Variants in TCF4 observed in about 807,000 individuals in gnomAD.
The protein encoded by TCF4 is SL3-3 enhancer factor 2.
A neutral mutation model predicts 82.1 loss-of-function variants in TCF4; 3 were observed. That is an observed-to-expected ratio of 0.04 (90% CI 0.02 to 0.09). The LOEUF (loss-of-function observed/expected upper bound fraction) is 0.09, where lower values mean the gene tolerates loss of function less well. Among genes scored for constraint, TCF4 ranks in the 10% least tolerant of loss-of-function variants. TCF4 has a pLI of 1.00. For missense variants in TCF4, 518 were observed against 852.7 expected (o/e 0.61, Z 4.89); for synonymous variants, 276 against 309.6 (o/e 0.89, Z 1.14).
intron 3 of TCF4, among the ~76,000 whole-genome samples, chr18:55,501,004 G>T (rs1323222324): frequency 1.3e-5 from 2 of 152,200 alleles, no homozygotes; most frequent in African/African-American, 4.8e-5. Context: ...TAATGATGAT[G>T]ATTATTACTG....
At chr18:55,299,219 T>G (rs1601834009) in intron 8 of TCF4, among the ~76,000 whole-genome samples, 1 of 152,338 alleles carries the variant, frequency 6.6e-6, no homozygotes, top group South Asian at 2.1e-4. Context: ...GAAACCAGCC[T>G]GGCCAACATG....
intron 8 of TCF4, among the ~76,000 whole-genome samples, chr18:55,347,669 G>A (rs2081475908): frequency 6.6e-6 from 1 of 152,168 alleles, no homozygotes; most frequent in African/African-American, 2.4e-5. Flanking sequence ...AATGGCGGCA[G>A]AAGTCCAGTC....
intron 3 of TCF4, among the ~76,000 whole-genome samples, chr18:55,576,393 C>T (rs1393971396): frequency 1.3e-5 from 2 of 152,120 alleles, no homozygotes; most frequent in African/African-American, 4.8e-5. Context: ...GGATTATAAT[C>T]GGTAACACCC....
chr18:55,602,601 A>C (rs2097698264), intron 2 of TCF4, among the ~76,000 whole-genome samples: 1 of 152,246 alleles, frequency 6.6e-6, no homozygotes, highest in African/African-American at 2.4e-5. Flanking sequence ...CTTTTCGATT[A>C]TCAGCAGCAT....
rs180753158 is a variant in TCF4, at chr18:55,332,293, C to T, written c.549+18066G>A. 219 of 150,578 alleles carry T rather than the reference C, an allele frequency of 1.5e-3. 5 individuals are homozygous for T. Among genetic ancestry groups the T allele is most frequent in the Admixed American group, 0.014 (218 of 15,130 alleles). 9.3% of individuals were successfully genotyped at this position (150,578 alleles called of 1,614,324 possible). A position where few individuals can be genotyped will look rare whatever the true frequency, so the allele number is the denominator to read the frequency against. On this transcript the variant is annotated intron_variant, in intron 8 of 19. Coordinates refer to ENST00000354452, the MANE Select transcript of TCF4 (RefSeq NM_001083962.2). Reference sequence around the variant, plus strand: ...ATTTGTTGTCCTTTCCAACACATTCCGTTTATCTAGATTTGAGGCAGTACA... The same window carrying T: ...ATTTGTTGTCCTTTCCAACACATTCTGTTTATCTAGATTTGAGGCAGTACA...
chr18:55,358,706 G>A (rs2145095434), intron 6 of TCF4, among the ~76,000 whole-genome samples: 1 of 152,278 alleles, frequency 6.6e-6, no homozygotes. Context: ...ACCATTAGAA[G>A]GCTCATTTTT....
chr18:55,541,013 ATC>A (rs1387208670), intron 3 of TCF4, among the ~76,000 whole-genome samples: 3 of 152,034 alleles, frequency 2.0e-5, no homozygotes, highest in African/African-American at 7.2e-5. Flanking sequence ...TAAAAAAATT[ATC>A]TCTTTCATAT....
intron 3 of TCF4, among the ~76,000 whole-genome samples, chr18:55,568,055 C>T (rs1185986419): frequency 6.6e-6 from 1 of 150,690 alleles, no homozygotes; most frequent in Non-Finnish European, 1.5e-5. Context: ...TAAATTAAAA[C>T]CTATGTAATA....
intron 5 of TCF4, among the ~76,000 whole-genome samples, chr18:55,450,830 C>A (rs977048306): frequency 2.6e-5 from 4 of 152,336 alleles, no homozygotes; most frequent in Admixed American, 6.5e-5. Context: ...AGATGACCTA[C>A]AACACAGGCA....
intron 8 of TCF4, among the ~76,000 whole-genome samples, chr18:55,326,573 G>C (rs562766834): frequency 1.3e-5 from 2 of 152,178 alleles, no homozygotes; most frequent in East Asian, 3.9e-4. Flanking sequence ...CGACTGGCCT[G>C]AGAATTATGT....
At chr18:55,337,252 T>C (rs1431632327) in intron 8 of TCF4, among the ~76,000 whole-genome samples, 1 of 152,214 alleles carries the variant, frequency 6.6e-6, no homozygotes, top group Non-Finnish European at 1.5e-5. Flanking sequence ...CTTCCTTCCC[T>C]GCTTTTGGGT....
At chr18:55,319,296 C>T (rs1172046404) in intron 8 of TCF4, among the ~76,000 whole-genome samples, 1 of 152,152 alleles carries the variant, frequency 6.6e-6, no homozygotes, top group Non-Finnish European at 1.5e-5. Flanking sequence ...AATCAAAAGC[C>T]ACTCAATGCA....
intron 3 of TCF4, among the ~76,000 whole-genome samples, chr18:55,570,254 CAGAGG>C (rs2097450390): frequency 6.6e-6 from 1 of 152,122 alleles, no homozygotes; most frequent in Non-Finnish European, 1.5e-5. Context: ...AAATCCTTTT[CAGAGG>C]AAACATACAA....
intron 6 of TCF4, among the ~76,000 whole-genome samples, chr18:55,400,549 T>A (rs967626197): frequency 1.3e-5 from 2 of 152,192 alleles, no homozygotes. Context: ...CTCATTACTA[T>A]TTTTAATGAA....
chr18:55,273,298 T>C (rs2060776231), intron 10 of TCF4, among the ~76,000 whole-genome samples: 1 of 152,184 alleles, frequency 6.6e-6, no homozygotes. Context: ...TTTTAAAATA[T>C]TTTATCTTTA....
In TCF4 at chr18:55,226,704, A is replaced by T. The variant is rs1482887894; in HGVS notation, c.*1331T>A. ...TTAGTAAACCCATTTTGAAAAAAAA[A>T]ATCAAGAAAGCAACAAAATCAATCA... On this transcript the variant is annotated 3_prime_UTR_variant, in exon 20 of 20. Transcript: ENST00000354452. 2 of 152,506 alleles carry T rather than the reference A, an allele frequency of 1.3e-5. No homozygotes were observed. The highest frequency in any genetic ancestry group is 4.8e-5 in the African/African-American group (2 of 41,384). 9.4% of individuals were successfully genotyped at this position (152,506 alleles called of 1,614,324 possible).
At chr18:55,229,109 T>C (rs778624355) in intron 17 of TCF4, 33 bp from the exon 18 acceptor site, 3 of 1,609,152 alleles carry the variant, frequency 1.9e-6, no homozygotes, top group East Asian at 2.2e-5. Flanking sequence ...CATTTTCTAA[T>C]GGTGTGGGGA....
At chr18:55,368,005 A>G (rs10503000) in intron 6 of TCF4, among the ~76,000 whole-genome samples, 5,472 of 152,358 alleles carry the variant, frequency 0.036, 182 homozygotes, top group South Asian at 0.16. Flanking sequence ...CTCACTGAAC[A>G]ATCTAAGCAT....
At chr18:55,311,220 CT>C (rs1463313926) in intron 8 of TCF4, among the ~76,000 whole-genome samples, 2 of 152,080 alleles carry the variant, frequency 1.3e-5, no homozygotes, top group Non-Finnish European at 2.9e-5. Context: ...AAATGTTATC[CT>C]CTATAAATGC....
Sources: allele counts gnomAD v4.1 joint callset (sites outside exome capture counted in the v4.1 genomes callset), GRCh38; gene constraint gnomAD v4.1.1; transcripts MANE v1.5; gene names NCBI Gene and HGNC (gene_info 2026-07-23, HGNC 2026-07-21).